The following PRKCA variants were observed in gnomAD, a reference collection of about 807,000 sequenced individuals.
PRKCA encodes protein kinase C alpha type.
A neutral mutation model predicts 87.0 loss-of-function variants in PRKCA; 27 were observed. The observed-to-expected ratio is 0.31, with a 90% CI of 0.23 to 0.43. The LOEUF (loss-of-function observed/expected upper bound fraction) is 0.43, where lower values mean the gene tolerates loss of function less well. PRKCA is among the 20% of genes least tolerant of loss of function. The pLI is 1.00. For synonymous variants in PRKCA, 329 were observed against 311.1 expected (o/e 1.06, Z -0.61); for missense variants, 518 against 852.3 (o/e 0.61, Z 4.88).
At chr17:66,731,196 C>CA (rs1440598153) in intron 8 of PRKCA, among the ~76,000 whole-genome samples, 1 of 151,824 alleles carries the variant, frequency 6.6e-6, no homozygotes, top group Non-Finnish European at 1.5e-5. Context: ...ACTAAACATA[C>CA]AAAAAAATTA....
chr17:66,738,566 C>T (rs933487451), intron 10 of PRKCA, among the ~76,000 whole-genome samples, 198 bp from the exon 11 acceptor site: 5 of 152,244 alleles, frequency 3.3e-5, no homozygotes, highest in Admixed American at 2.6e-4. Flanking sequence ...TGACTTTATA[C>T]TTCCCAAGGC....
intron 3 of PRKCA, among the ~76,000 whole-genome samples, chr17:66,513,304 T>A (rs974171467): frequency 3.9e-5 from 6 of 152,282 alleles, no homozygotes; most frequent in African/African-American, 1.4e-4. Context: ...AATAGAGACT[T>A]TTTCCTTTCT....
chr17:66,613,029 C>T (rs558575771), intron 3 of PRKCA, among the ~76,000 whole-genome samples: 37 of 152,266 alleles, frequency 2.4e-4, no homozygotes, highest in Non-Finnish European at 4.0e-4. Context: ...CAAATATATA[C>T]AAGTTGCAAT....
At chr17:66,587,893 GTGTATATATATATATATATATATATA>G (rs1262228411) in intron 3 of PRKCA, among the ~76,000 whole-genome samples, 6 of 51,636 alleles carry the variant, frequency 1.2e-4, no homozygotes, top group African/African-American at 3.8e-4. Flanking sequence ...GTGTGTGTGT[GTGTATATATATATATATATATATATA>G]TATATATATA....
chr17:66,427,915 T>C (rs1479959593), intron 2 of PRKCA, among the ~76,000 whole-genome samples: 1 of 152,218 alleles, frequency 6.6e-6, no homozygotes, highest in African/African-American at 2.4e-5. Context: ...TCTGACTTGC[T>C]CCAAACGAGG....
At chr17:66,361,151 A>G (rs979473215) in intron 2 of PRKCA, among the ~76,000 whole-genome samples, 1 of 151,410 alleles carries the variant, frequency 6.6e-6, no homozygotes, top group Non-Finnish European at 1.5e-5. Flanking sequence ...AAGGAAAACT[A>G]CTCTGAATGA....
intron 2 of PRKCA, among the ~76,000 whole-genome samples, chr17:66,489,412 A>G (rs1468927615): frequency 6.9e-6 from 1 of 145,178 alleles, no homozygotes; most frequent in Non-Finnish European, 1.5e-5. Flanking sequence ...CCCTCAATGA[A>G]TATAGCAATC....
At chr17:66,668,012 C>G (rs1439187600) in intron 5 of PRKCA, among the ~76,000 whole-genome samples, 2 of 152,276 alleles carry the variant, frequency 1.3e-5, no homozygotes, top group African/African-American at 4.8e-5. Context: ...GCCCGTTAGC[C>G]CAGTGGTCAA....
intron 2 of PRKCA, among the ~76,000 whole-genome samples, chr17:66,406,585 G>GATTTTTTTT (rs529714675): frequency 4.3e-5 from 3 of 70,180 alleles, no homozygotes; most frequent in African/African-American, 1.4e-4. Context: ...GCTTTTCCAG[G>GATTTTTTTT]TTTTTTTTTT....
intron 8 of PRKCA, among the ~76,000 whole-genome samples, chr17:66,694,341 G>T (rs896248866): frequency 1.3e-5 from 2 of 151,910 alleles, no homozygotes; most frequent in African/African-American, 4.8e-5. Flanking sequence ...AATTAGCCGG[G>T]CATAGTGGCG....
chr17:66,779,205 G>T (rs1054855054), intron 14 of PRKCA, among the ~76,000 whole-genome samples: 1 of 152,180 alleles, frequency 6.6e-6, no homozygotes, highest in Admixed American at 6.5e-5. Context: ...CTCTTTAATC[G>T]CAGAGGGCTG....
intron 5 of PRKCA, among the ~76,000 whole-genome samples, chr17:66,670,028 C>T (rs115200448): frequency 0.016 from 2,375 of 152,284 alleles, 72 homozygotes; most frequent in African/African-American, 0.054. Flanking sequence ...ATCGTATGCA[C>T]TACTAAATTT....
intron 13 of PRKCA, among the ~76,000 whole-genome samples, chr17:66,758,176 C>T (rs1974601627): frequency 2.0e-5 from 3 of 152,172 alleles, no homozygotes; most frequent in South Asian, 4.1e-4. Context: ...AACATGAGGC[C>T]GCATCTCTTT....
intron 2 of PRKCA, among the ~76,000 whole-genome samples, chr17:66,347,372 A>T (rs1907445569): frequency 6.6e-6 from 1 of 151,166 alleles, no homozygotes; most frequent in East Asian, 2.0e-4. Context: ...TGTAATTGAA[A>T]AAAGGAGGGA....
intron 3 of PRKCA, among the ~76,000 whole-genome samples, chr17:66,541,623 G>A (rs567491903): frequency 3.3e-5 from 5 of 152,228 alleles, no homozygotes; most frequent in African/African-American, 7.2e-5. Flanking sequence ...CTGACGTCCA[G>A]TCCACGCCTC....
chr17:66,321,541 G>T (rs1301414658), intron 2 of PRKCA, among the ~76,000 whole-genome samples: 1 of 151,988 alleles, frequency 6.6e-6, no homozygotes, highest in Non-Finnish European at 1.5e-5. Context: ...AAATAATTTA[G>T]CTCACTTTTT....
chr17:66,557,746 C>T (rs1156502225), intron 3 of PRKCA, among the ~76,000 whole-genome samples: 2 of 152,114 alleles, frequency 1.3e-5, no homozygotes, highest in Admixed American at 1.3e-4. Context: ...CTTCCAAAAC[C>T]TAGAATTTTT....
chr17:66,317,503 G>T (rs1905385666), intron 2 of PRKCA, among the ~76,000 whole-genome samples: 1 of 152,216 alleles, frequency 6.6e-6, no homozygotes, highest in South Asian at 2.1e-4. Flanking sequence ...TGGTGAATTG[G>T]GAAGCTGTAA....
At chr17:66,723,638 A>C (rs569971548) in intron 8 of PRKCA, among the ~76,000 whole-genome samples, 2 of 151,998 alleles carry the variant, frequency 1.3e-5, no homozygotes, top group South Asian at 4.2e-4. Context: ...AAAAAACAAA[A>C]AAAAAAAAAG....
Sources: allele counts gnomAD v4.1 joint callset (sites outside exome capture counted in the v4.1 genomes callset), GRCh38; gene constraint gnomAD v4.1.1; transcripts MANE v1.5; gene names NCBI Gene and HGNC (gene_info 2026-07-23, HGNC 2026-07-21).